The following PRAG1 variants were observed in gnomAD, a reference collection of about 807,000 sequenced individuals.
The protein encoded by PRAG1 is PEAK1 related, kinase-activating pseudokinase 1, also known as inactive tyrosine-protein kinase PRAG1.
PRAG1 carries 110 observed loss-of-function variants against 95.6 expected under a neutral mutation model. The observed-to-expected ratio is 1.15, with a 90% CI of 0.99 to 1.35. The LOEUF is 1.35. Ranked by LOEUF, PRAG1 falls within the 40% of genes most tolerant of loss-of-function variation. The pLI is 0.00. For missense variants in PRAG1, 2,554 were observed against 1,864.7 expected, an observed-to-expected ratio of 1.37 and a Z score of -6.81; for synonymous variants, 1,052 against 819.4, an observed-to-expected ratio of 1.28 and a Z score of -4.85.
chr8:8,376,931 G>C lies in PRAG1; in HGVS notation c.1478C>G (p.Pro493Arg). Reference protein sequence around the residue: ...EDHRTIYLSSPDSAVGVQWPR... With the variant: ...EDHRTIYLSSRDSAVGVQWPR... Reference sequence around the variant, plus strand: ...CCACTGCACCCCCACTGCAGAGTCAGGGCTGCTCAGGTAGATCGTCCGATG... The same window carrying C: ...CCACTGCACCCCCACTGCAGAGTCACGGCTGCTCAGGTAGATCGTCCGATG... Residue 493 changes from proline (P) to arginine (R), a missense_variant, in exon 3 of 6, where the codon CCT (proline) becomes CGT (arginine). By Grantham distance (103) the Pro-to-Arg change is moderately radical (BLOSUM62 -2). Coordinates refer to ENST00000615670, the MANE Select transcript of PRAG1 (RefSeq NM_001080826.3). The C allele has an allele frequency of 6.2e-7, 1 of 1,613,392 alleles. No individual in the cohort carries two copies. The highest frequency in any genetic ancestry group is 8.5e-7 in the Non-Finnish European group (1 of 1,180,008).
At chr8:8,339,368 G>T in intron 4 of PRAG1, 110 bp downstream of exon 4, 2 of 1,179,986 alleles carry the variant, frequency 1.7e-6, no homozygotes, top group Non-Finnish European at 2.4e-6. Context: ...TGAGAAAGCA[G>T]GACCAAGACA....
At chr8:8,382,912 C>T (rs1162723782) in intron 1 of PRAG1, among the ~76,000 whole-genome samples, 1 of 152,182 alleles carries the variant, frequency 6.6e-6, no homozygotes, top group Non-Finnish European at 1.5e-5. Flanking sequence ...GCGGCTCCTC[C>T]CTGCAGTGGT....
At chr8:8,366,365 G>C (rs1463738867) in intron 3 of PRAG1, among the ~76,000 whole-genome samples, 1 of 149,152 alleles carries the variant, frequency 6.7e-6, no homozygotes, top group Admixed American at 6.7e-5. Context: ...CCAGGCTAGA[G>C]TGCAATGGCA....
In PRAG1 at chr8:8,328,259, T is replaced by G. The variant is rs766736132; in HGVS notation, c.2523A>C (p.Gly841=). The stretch of plus-strand genomic sequence containing the variant: ...TTAGGTTCAGCTTGGGGCTTGCTGT[T>G]CCGGGCTTGGGGGAGCCTTGGGTCC... The part of the protein sequence containing the change: ...FFWTQGSPKP[G]TASPKLNLSH... The change falls in exon 5 of 6, where the codon GGA becomes GGC. Residue 841 remains glycine, a synonymous_variant. Coordinates refer to ENST00000615670, the MANE Select transcript of PRAG1 (RefSeq NM_001080826.3). 8.7e-6 allele frequency: 14 copies of G among 1,613,972 alleles called. No homozygotes were observed. The East Asian group carries it at 3.1e-4, about 36-fold the overall frequency.
At chr8:8,333,041 C>T (rs1300721143) in intron 4 of PRAG1, among the ~76,000 whole-genome samples, 1 of 152,190 alleles carries the variant, frequency 6.6e-6, no homozygotes, top group East Asian at 1.9e-4. Flanking sequence ...CGACTTTAGC[C>T]AACAGCCAAT....
Position 8,377,074 on chromosome 8 carries a change from T to C in PRAG1, c.1335A>G (p.Val445=), listed in dbSNP as rs368743552. The C allele has an allele frequency of 1.8e-5, 29 of 1,613,826 alleles. No homozygotes were observed. Among genetic ancestry groups the C allele is most frequent in the Non-Finnish European group, 2.4e-5 (28 of 1,180,032 alleles). ...HAAAAQGQGQ[V]CTGNAWAQKA... is the part of the protein sequence containing the mutation. The stretch of plus-strand genomic sequence containing the variant: ...TCTGGGCCCAGGCATTACCTGTGCA[T>C]ACCTGGCCTTGGCCCTGGGCAGCAG... The change falls in exon 3 of 6, where the codon GTA becomes GTG. Residue 445 remains valine (V), a synonymous_variant. Coordinates refer to ENST00000615670, the MANE Select transcript of PRAG1 (RefSeq NM_001080826.3).
At chr8:8,356,720 C>A (rs1799693737) in intron 3 of PRAG1, among the ~76,000 whole-genome samples, 1 of 152,090 alleles carries the variant, frequency 6.6e-6, no homozygotes, top group African/African-American at 2.4e-5. Context: ...CTCAACATAT[C>A]CTAATAGCCA....
intron 4 of PRAG1, among the ~76,000 whole-genome samples, chr8:8,334,273 C>G (rs1033423959): frequency 1.3e-5 from 2 of 151,974 alleles, no homozygotes; most frequent in Non-Finnish European, 2.9e-5. Context: ...CCTGTCTCTA[C>G]TAAAAATACA....
At chr8:8,354,266 G>A (rs1799618377) in intron 3 of PRAG1, among the ~76,000 whole-genome samples, 7 of 151,926 alleles carry the variant, frequency 4.6e-5, no homozygotes, top group Admixed American at 3.3e-4. Context: ...TAAAGAGATT[G>A]AAGAAGTAAT....
chr8:8,345,608 T>G (rs1799314979), intron 3 of PRAG1, among the ~76,000 whole-genome samples: 1 of 151,804 alleles, frequency 6.6e-6, no homozygotes, highest in Admixed American at 6.6e-5. Flanking sequence ...CTGGCCAACA[T>G]GGTGAAACCC....
intron 4 of PRAG1, among the ~76,000 whole-genome samples, chr8:8,337,405 T>C (rs539078436): frequency 6.6e-6 from 1 of 152,342 alleles, no homozygotes; most frequent in Non-Finnish European, 1.5e-5. Flanking sequence ...ATTTCTCATA[T>C]TACATGACCA....
chr8:8,362,458 G>A (rs573039394), intron 3 of PRAG1, among the ~76,000 whole-genome samples: 25 of 152,236 alleles, frequency 1.6e-4, no homozygotes, highest in East Asian at 3.9e-4. Context: ...ATCCTTTCCC[G>A]TGTTGCTGAG....
chr8:8,334,752 G>A (rs1009061350), intron 4 of PRAG1, among the ~76,000 whole-genome samples: 3 of 150,780 alleles, frequency 2.0e-5, no homozygotes, highest in Non-Finnish European at 2.9e-5. Context: ...ATCATTAATG[G>A]TTTTCTTCCG....
intron 3 of PRAG1, among the ~76,000 whole-genome samples, chr8:8,350,707 G>A (rs193211465): frequency 6.6e-6 from 1 of 152,292 alleles, no homozygotes; most frequent in Non-Finnish European, 1.5e-5. Context: ...GCCTGGGTTC[G>A]GGTCCTGACT....
rs746549133 is a variant in PRAG1 at position 8,377,434 on chromosome 8, G to T, written c.975C>A (p.Pro325=). The T allele has an allele frequency of 1.9e-6, 3 of 1,559,754 alleles. No homozygotes were observed. In the African/African-American group the frequency reaches 4.1e-5, roughly 21 times the overall value. Residue 325 remains proline, a synonymous_variant, in exon 3 of 6, where the codon CCC becomes CCA. Transcript: ENST00000615670. The part of the protein sequence containing the change: ...GPTAHPSCLG[P]KKLSLTSEAA... ...CCTCCGAGGTGAGGGACAGTTTCTT[G>T]GGGCCCAGGCAGGATGGGTGGGCAG...
At chr8:8,340,099 C>T (rs1389439572) in intron 3 of PRAG1, among the ~76,000 whole-genome samples, 2 of 152,112 alleles carry the variant, frequency 1.3e-5, no homozygotes, top group Non-Finnish European at 2.9e-5. Context: ...TCTTTTTTTA[C>T]CTGGTACTCT....
chr8:8,321,940 C>T (rs984946129), intron 5 of PRAG1, among the ~76,000 whole-genome samples: 9 of 152,164 alleles, frequency 5.9e-5, no homozygotes, highest in African/African-American at 2.2e-4. Context: ...ATTAACCCAC[C>T]AGTATTCAAC....
chr8:8,354,553 T>G (rs1187038059), intron 3 of PRAG1, among the ~76,000 whole-genome samples: 1 of 152,170 alleles, frequency 6.6e-6, no homozygotes, highest in East Asian at 1.9e-4. Flanking sequence ...CAGACTGAAT[T>G]CAACAATACA....
intron 5 of PRAG1, among the ~76,000 whole-genome samples, chr8:8,322,695 C>A (rs1798511713): frequency 6.6e-6 from 1 of 152,192 alleles, no homozygotes; most frequent in South Asian, 2.1e-4. Flanking sequence ...TACCTGGAGG[C>A]TTCGTCTGCA....
Sources: allele counts gnomAD v4.1 joint callset (sites outside exome capture counted in the v4.1 genomes callset), GRCh38; gene constraint gnomAD v4.1.1; transcripts MANE v1.5; gene names NCBI Gene and HGNC (gene_info 2026-07-23, HGNC 2026-07-21).